Variants in HYDIN observed in about 807,000 individuals in gnomAD.
The protein encoded by HYDIN is HYDIN axonemal central pair apparatus protein, also known as axonemal central pair apparatus protein HYDIN.
A neutral mutation model predicts 403.9 loss-of-function variants in HYDIN; 132 were observed. The observed-to-expected ratio is 0.33, with a 90% CI of 0.28 to 0.38. HYDIN has a LOEUF of 0.38. Ranked by LOEUF, HYDIN falls within the 10% of genes least tolerant of loss-of-function variation. The pLI is 1.00. For synonymous variants in HYDIN, 1,202 were observed against 1,891.7 expected, an observed-to-expected ratio of 0.64 and a Z score of 9.46; for missense variants, 2,827 against 5,009.5, an observed-to-expected ratio of 0.56 and a Z score of 13.15.
rs2035044478 is a variant in HYDIN at position 70,804,948 on chromosome 16, T to C, written c.*2632A>G. Among the ~76,000 whole-genome samples the C allele has an allele frequency of 6.6e-6, 1 of 152,244 alleles. No homozygotes were observed. Among genetic ancestry groups the C allele is most frequent in the Non-Finnish European group, 1.5e-5 (1 of 68,040 alleles). ...GGCTGGCTATAAGCCATGCTGGGGC[T>C]GGTGGCATGTTAGACAAGATTTCAG... On this transcript the variant is annotated 3_prime_UTR_variant, in exon 86 of 86. Coordinates refer to ENST00000393567, the MANE Select transcript of HYDIN (RefSeq NM_001270974.2).
At chr16:71,151,293 G>T (rs1342473049) in intron 7 of HYDIN, among the ~76,000 whole-genome samples, 1 of 151,992 alleles carries the variant, frequency 6.6e-6, no homozygotes, top group South Asian at 2.1e-4. Flanking sequence ...CTGTGGCATT[G>T]TTCTGCTGAG....
intron 73 of HYDIN, among the ~76,000 whole-genome samples, chr16:70,851,106 A>T (rs1244736756): frequency 2.0e-5 from 3 of 150,552 alleles, no homozygotes; most frequent in Admixed American, 1.3e-4. Flanking sequence ...AGAAAACACC[A>T]TCGTAGACAT....
intron 58 of HYDIN, among the ~76,000 whole-genome samples, chr16:70,887,096 A>T (rs1252883805): frequency 6.6e-6 from 1 of 152,100 alleles, no homozygotes; most frequent in Non-Finnish European, 1.5e-5. Context: ...ATTTTTTCTC[A>T]TTAGACTTAA....
chr16:70,932,917 A>G (rs2143852501), intron 45 of HYDIN, among the ~76,000 whole-genome samples: 1 of 152,154 alleles, frequency 6.6e-6, no homozygotes, highest in South Asian at 2.1e-4. Flanking sequence ...AATGTATCCT[A>G]AGGAAGTAAG....
rs913918507 is a variant in HYDIN at position 71,223,577 on chromosome 16, C to A, written c.-24+6985G>T. On this transcript the variant is annotated intron_variant, in intron 1 of 85. Transcript: ENST00000393567. ...GAGAAAGTATTTGCAAGCTATGCAT[C>A]CAACAAAGGACTAGCATCCGGAATC... 5.9e-5 allele frequency among the ~76,000 whole-genome samples: 9 copies of A among 151,878 alleles called. No homozygotes were observed. The East Asian group carries it at 1.7e-3, about 29-fold the overall frequency.
intron 18 of HYDIN, among the ~76,000 whole-genome samples, chr16:71,049,911 A>G (rs1379864510): frequency 6.9e-6 from 1 of 145,092 alleles, no homozygotes; most frequent in Non-Finnish European, 1.5e-5. Flanking sequence ...TGAAGAGGCA[A>G]CAGAGAGAGA....
intron 45 of HYDIN, among the ~76,000 whole-genome samples, chr16:70,931,210 G>GCTT (rs1555575146): frequency 1.7e-5 from 1 of 59,480 alleles, no homozygotes; most frequent in African/African-American, 6.5e-5. Context: ...TCTTTCTTCT[G>GCTT]TTTTTTTTTT....
At chr16:71,009,600 A>G (rs1458619634) in intron 23 of HYDIN, among the ~76,000 whole-genome samples, 1 of 152,130 alleles carries the variant, frequency 6.6e-6, no homozygotes, top group Admixed American at 6.5e-5. Context: ...GCTACCTTAT[A>G]TGGCAAAAGG....
chr16:70,937,145 T>G (rs995544732), intron 44 of HYDIN, among the ~76,000 whole-genome samples: 158 of 147,836 alleles, frequency 1.1e-3, no homozygotes, highest in African/African-American at 4.0e-3. Flanking sequence ...TGCATGTGTG[T>G]GTGTGTGTGT....
At chr16:70,831,489 A>T (rs1597067321) in intron 80 of HYDIN, among the ~76,000 whole-genome samples, 1 of 146,948 alleles carries the variant, frequency 6.8e-6, no homozygotes, top group East Asian at 2.0e-4. Context: ...AGCCTGGGGA[A>T]CAGAGTGAGA....
chr16:71,159,712 G>T (rs1044410855), intron 6 of HYDIN, among the ~76,000 whole-genome samples: 5 of 146,658 alleles, frequency 3.4e-5, no homozygotes, highest in African/African-American at 1.3e-4. Flanking sequence ...AATCACAGCA[G>T]ACTTCTCATT....
At position 70,918,144 on chromosome 16, in the gene HYDIN, G is replaced by A. The variant is rs2076896116; in HGVS notation, c.8004+67C>T. ...AGGCTCCATTTTTGGTCTGGTGGAG[G>A]GTGACCTTCTCTCCCTGCCTGCTGA... On this transcript the variant is annotated intron_variant, in intron 47 of 85. Coordinates refer to ENST00000393567, the MANE Select transcript of HYDIN (RefSeq NM_001270974.2). 8.6e-6 allele frequency: 4 copies of A among 462,728 alleles called. 1 individual carries two copies. 28.7% of individuals were successfully genotyped at this position (462,728 alleles called of 1,614,324 possible).
At chr16:70,870,544 G>C (rs1423841789) in intron 65 of HYDIN, among the ~76,000 whole-genome samples, 1 of 150,326 alleles carries the variant, frequency 6.7e-6, no homozygotes, top group East Asian at 2.0e-4. Context: ...CAAGCCCCAA[G>C]ACTTGGCAGC....
Position 71,106,302 on chromosome 16 carries a change from C to T in HYDIN, c.1327+9394G>A, listed in dbSNP as rs566557089. 3.9e-5 allele frequency among the ~76,000 whole-genome samples: 6 copies of T among 152,266 alleles called. No individual in the cohort carries two copies. The South Asian group carries it at 6.2e-4, about 16-fold the overall frequency. On this transcript the variant is annotated intron_variant, in intron 10 of 85. Coordinates refer to ENST00000393567, the MANE Select transcript of HYDIN (RefSeq NM_001270974.2). Reference sequence around the variant, plus strand: ...GTATTTTCACAAAGTATTTCCCTGACTTGCATGCCCAGCCTTTGTTTATGT... The same window carrying T: ...GTATTTTCACAAAGTATTTCCCTGATTTGCATGCCCAGCCTTTGTTTATGT...
In HYDIN at chr16:70,840,047, T is replaced by C. The variant is rs1023784261; in HGVS notation, c.13043+17A>G. On this transcript the variant is annotated intron_variant, in intron 76 of 85. Coordinates refer to ENST00000393567, the MANE Select transcript of HYDIN (RefSeq NM_001270974.2). ...AGCAGCTAGAGAATCATTTGGAGGC[T>C]CTGGAAGCCTGCTTACCTCATAGGT... The C allele has an allele frequency of 1.6e-6, 1 of 621,556 alleles. No individual in the cohort carries two copies. Among genetic ancestry groups the C allele is most frequent in the African/African-American group, 2.0e-5 (1 of 50,264 alleles). 38.5% of individuals were successfully genotyped at this position (621,556 alleles called of 1,614,324 possible).
At chr16:71,069,856 T>C (rs1428861744) in intron 13 of HYDIN, among the ~76,000 whole-genome samples, 3 of 152,208 alleles carry the variant, frequency 2.0e-5, no homozygotes, top group African/African-American at 4.8e-5. Context: ...TGCGGAAGTA[T>C]ATTTTGCATT....
chr16:71,152,917 T>A (rs1326020533), intron 6 of HYDIN, 134 bp from the exon 7 acceptor site: 14 of 628,576 alleles, frequency 2.2e-5, no homozygotes, highest in Non-Finnish European at 2.7e-5. Context: ...AGAAGTGAAG[T>A]AGACTTTTGC....
At chr16:71,099,985 C>A (rs1472188692) in intron 10 of HYDIN, among the ~76,000 whole-genome samples, 2 of 152,076 alleles carry the variant, frequency 1.3e-5, no homozygotes, top group East Asian at 3.9e-4. Context: ...GCCTGGGCAA[C>A]AGAGCAAGAA....
chr16:71,040,210 T>G (rs993094437), intron 18 of HYDIN, among the ~76,000 whole-genome samples: 3 of 152,040 alleles, frequency 2.0e-5, no homozygotes, highest in African/African-American at 7.2e-5. Flanking sequence ...ACTCATGCAT[T>G]CCAGTTCCCA....
Sources: gnomAD v4.1 joint callset for allele counts (sites outside exome capture counted in the v4.1 genomes callset) on GRCh38, gnomAD v4.1.1 for gene constraint, MANE v1.5 for transcripts, NCBI Gene and HGNC (gene_info 2026-07-23, HGNC 2026-07-21) for gene names.